Variants in LRRIQ1 observed in about 807,000 individuals in gnomAD.
The protein encoded by LRRIQ1 is leucine-rich repeat- and IQ domain-containing protein 1.
In LRRIQ1, 210 loss-of-function variants were observed where a neutral mutation model predicts 211.9. The ratio of observed to expected loss-of-function variants is 0.99; its 90% CI spans 0.89 to 1.11. The LOEUF (loss-of-function observed/expected upper bound fraction) is 1.11, where lower values mean the gene tolerates loss of function less well. Ranked by LOEUF, LRRIQ1 falls within the 50% of genes most tolerant of loss-of-function variation. LRRIQ1 has a pLI of 0.00. For synonymous variants in LRRIQ1, 699 were observed against 650.1 expected, an observed-to-expected ratio of 1.08 and a Z score of -1.14; for missense variants, 2,136 against 1,939.5, an observed-to-expected ratio of 1.10 and a Z score of -1.90.
At chr12:85,101,733 A>G (rs1425154585) in intron 13 of LRRIQ1, among the ~76,000 whole-genome samples, 2 of 151,844 alleles carry the variant, frequency 1.3e-5, no homozygotes, top group African/African-American at 4.8e-5. Context: ...TTTCAGAAGA[A>G]GAAAACAAAC....
At chr12:85,080,483 G>T (rs950070088) in intron 11 of LRRIQ1, among the ~76,000 whole-genome samples, 12 of 151,152 alleles carry the variant, frequency 7.9e-5, no homozygotes, top group African/African-American at 2.4e-4. Context: ...TCTTATATAT[G>T]TATATTTTTT....
chr12:85,257,799 G>A (rs992748870), intron 1 of LRRIQ1, among the ~76,000 whole-genome samples: 3 of 151,774 alleles, frequency 2.0e-5, no homozygotes, highest in African/African-American at 7.2e-5. Context: ...AGAAAAAAGT[G>A]TGAAAACAAT....
rs1207024950 is a variant in LRRIQ1, at chr12:85,192,850, AAT to A, written c.4822+32144_4822+32145del. Among the ~76,000 whole-genome samples, 6 of 100,826 alleles carry A rather than the reference AAT, an allele frequency of 6.0e-5. No homozygotes were observed. The Admixed American group carries it at 6.2e-4, about 10-fold the overall frequency. 66.1% of individuals were successfully genotyped at this position (100,826 alleles called of 152,430 possible). On this transcript the variant is annotated intron_variant, in intron 24 of 26. Transcript: ENST00000393217. ...TAGTTATATACTATAATTATATATA[AAT>A]ATATATAGTTATATATTATAATTAT...
At position 85,196,364 on chromosome 12, in the gene LRRIQ1, G is replaced by A. The variant is rs1180059879; in HGVS notation, c.4823-33153G>A. ...ATGGAATCAAAAAAGAGCCCACATCGCCAAGTCAATCCTAAGCCAAAAGAA... is the reference window on the plus strand; with the variant it reads ...ATGGAATCAAAAAAGAGCCCACATCACCAAGTCAATCCTAAGCCAAAAGAA... On this transcript the variant is annotated intron_variant, in intron 24 of 26. Coordinates refer to ENST00000393217, the MANE Select transcript of LRRIQ1 (RefSeq NM_001079910.2). Among the ~76,000 whole-genome samples the A allele has an allele frequency of 4.6e-5, 7 of 152,148 alleles. No individual in the cohort carries two copies. The South Asian group carries it at 8.3e-4, about 18-fold the overall frequency.
At chr12:85,175,028 A>G (rs898664376) in intron 24 of LRRIQ1, among the ~76,000 whole-genome samples, 12 of 152,168 alleles carry the variant, frequency 7.9e-5, no homozygotes, top group African/African-American at 2.9e-4. Context: ...CTAGAAAACA[A>G]TAGAACAGTA....
intron 11 of LRRIQ1, among the ~76,000 whole-genome samples, chr12:85,078,569 C>G (rs1001551497): frequency 3.3e-5 from 5 of 151,938 alleles, no homozygotes; most frequent in Non-Finnish European, 5.9e-5. Flanking sequence ...TATTTTTTTA[C>G]TTTAAATGTT....
At chr12:85,247,823 G>A (rs1895775472), downstream of LRRIQ1, among the ~76,000 whole-genome samples, 1 of 136,904 alleles carries the variant, frequency 7.3e-6, no homozygotes, top group South Asian at 2.5e-4. Context: ...AGTATACTTT[G>A]AACATACTGG....
intron 24 of LRRIQ1, among the ~76,000 whole-genome samples, chr12:85,196,916 G>A (rs923649474): frequency 1.3e-5 from 2 of 152,072 alleles, no homozygotes; most frequent in African/African-American, 4.8e-5. Flanking sequence ...GAAAATTTTT[G>A]CAACCTACTC....
In LRRIQ1 at chr12:85,163,553, T is replaced by TA. The variant is rs879741845; in HGVS notation, c.4822+2848dup. On this transcript the variant is annotated intron_variant, in intron 24 of 26. Coordinates refer to ENST00000393217, the MANE Select transcript of LRRIQ1 (RefSeq NM_001079910.2). ...TTATTTTAGTAACATTGTATAAATTTAAAAAAAAATTACTTTCTATCTCCA... is the reference window on the plus strand; with the variant it reads ...TTATTTTAGTAACATTGTATAAATTTAAAAAAAAAATTACTTTCTATCTCCA... 9.9e-5 allele frequency among the ~76,000 whole-genome samples: 15 copies of TA among 151,628 alleles called. 1 individual carries two copies. Among genetic ancestry groups the TA allele is most frequent in the African/African-American group, 1.2e-4 (5 of 41,384 alleles).
At chr12:85,130,856 A>G (rs1888697980) in intron 18 of LRRIQ1, among the ~76,000 whole-genome samples, 1 of 152,072 alleles carries the variant, frequency 6.6e-6, no homozygotes, top group African/African-American at 2.4e-5. Flanking sequence ...CCTGGCATAG[A>G]GCCAGACTAG....
intron 17 of LRRIQ1, among the ~76,000 whole-genome samples, chr12:85,125,923 A>G (rs1475329242): frequency 6.6e-6 from 1 of 152,218 alleles, no homozygotes; most frequent in Non-Finnish European, 1.5e-5. Flanking sequence ...AACGGGAAAG[A>G]AAATGTATAC....
At chr12:85,176,486 G>A (rs960441828) in intron 24 of LRRIQ1, among the ~76,000 whole-genome samples, 1 of 149,316 alleles carries the variant, frequency 6.7e-6, no homozygotes, top group South Asian at 2.1e-4. Context: ...GTAAACTATC[G>A]CAAGAACAAA....
At chr12:85,257,102 T>G (rs1226113156) in intron 1 of LRRIQ1, among the ~76,000 whole-genome samples, 2 of 113,234 alleles carry the variant, frequency 1.8e-5, no homozygotes, top group Non-Finnish European at 3.6e-5. Flanking sequence ...TATAATTATA[T>G]AAATATATAT....
intron 7 of LRRIQ1, among the ~76,000 whole-genome samples, chr12:85,053,005 C>A (rs1327485411): frequency 6.6e-6 from 1 of 151,930 alleles, no homozygotes; most frequent in Admixed American, 6.6e-5. Flanking sequence ...TAATGAAGTA[C>A]CAACTCTACA....
At chr12:85,156,964 A>G (rs1890584453) in intron 23 of LRRIQ1, among the ~76,000 whole-genome samples, 1 of 151,952 alleles carries the variant, frequency 6.6e-6, no homozygotes, top group Non-Finnish European at 1.5e-5. Flanking sequence ...TCTGCCACAG[A>G]AAACCTTAGA....
intron 20 of LRRIQ1, 38 bp from the exon 21 acceptor site, chr12:85,152,986 T>G: frequency 6.9e-7 from 1 of 1,453,926 alleles, no homozygotes; most frequent in Non-Finnish European, 9.4e-7. Context: ...TAGGATTTTT[T>G]ATTTTACTTC....
chr12:85,038,168 T>C lies in LRRIQ1; in HGVS notation c.-9T>C, dbSNP rs1248670439. ...TTTAAAGCAGTTCTGTGCTTTATTA[T>C]GAAGAATAATGGACGATGATGATGC... On this transcript the variant is annotated 5_prime_UTR_variant, in exon 2 of 27. The change abolishes an upstream ATG in the 5' untranslated region. Coordinates refer to ENST00000393217, the MANE Select transcript of LRRIQ1 (RefSeq NM_001079910.2). 6.6e-7 allele frequency: 1 copy of C among 1,521,342 alleles called. No homozygotes were observed. 94.2% of individuals were successfully genotyped at this position (1,521,342 alleles called of 1,614,324 possible). A position where few individuals can be genotyped will look rare whatever the true frequency, so the allele number is the denominator to read the frequency against.
intron 24 of LRRIQ1, among the ~76,000 whole-genome samples, chr12:85,225,786 T>G (rs1311587995): frequency 6.6e-6 from 1 of 152,220 alleles, no homozygotes; most frequent in Non-Finnish European, 1.5e-5. Flanking sequence ...AAGTATCCGT[T>G]AATTTATCCA....
intron 23 of LRRIQ1, among the ~76,000 whole-genome samples, chr12:85,156,351 AAG>A (rs1317943814): frequency 6.6e-6 from 1 of 151,720 alleles, no homozygotes; most frequent in Non-Finnish European, 1.5e-5. Context: ...AGAAACATTA[AAG>A]AGAGGATTAA....
Sources: allele counts gnomAD v4.1 joint callset (sites outside exome capture counted in the v4.1 genomes callset), GRCh38; gene constraint gnomAD v4.1.1; transcripts MANE v1.5; gene names NCBI Gene and HGNC (gene_info 2026-07-23, HGNC 2026-07-21).